Variants in CAMK2B observed in about 807,000 individuals in gnomAD.
The protein encoded by CAMK2B is calcium/calmodulin dependent protein kinase II beta.
Under a neutral mutation model 93.7 loss-of-function variants are expected in CAMK2B, and 27 were observed. That is an observed-to-expected ratio of 0.29 (90% CI 0.21 to 0.40). The LOEUF is 0.40. CAMK2B is among the 10% of genes least tolerant of loss of function. The pLI, the probability that CAMK2B is intolerant of heterozygous loss-of-function variation, is 1.00. For synonymous variants in CAMK2B, 374 were observed against 358.8 expected, an observed-to-expected ratio of 1.04 and a Z score of -0.48; for missense variants, 568 against 895.8, an observed-to-expected ratio of 0.63 and a Z score of 4.67.
rs1322680963 is a variant in CAMK2B, at chr7:44,218,931, A to C, written c.*594T>G. The C allele has an allele frequency of 6.6e-6, 1 of 152,406 alleles. No individual in the cohort carries two copies. The highest frequency in any genetic ancestry group is 2.4e-5 in the African/African-American group (1 of 41,444). 9.4% of individuals were successfully genotyped at this position (152,406 alleles called of 1,614,324 possible). A position where few individuals can be genotyped will look rare whatever the true frequency, so the allele number is the denominator to read the frequency against. On this transcript the variant is annotated 3_prime_UTR_variant, in exon 24 of 24. Transcript: ENST00000395749. The stretch of plus-strand genomic sequence containing the variant: ...CCCTTCAGGGGATGAAAGGAAGGGA[A>C]GGGAAAGCAGGAACAACAGCAACTC...
chr7:44,306,906 G>C (rs1269677481), intron 1 of CAMK2B, among the ~76,000 whole-genome samples: 1 of 139,830 alleles, frequency 7.2e-6, no homozygotes, highest in Non-Finnish European at 1.5e-5. Context: ...GGAAGACGGT[G>C]TGAGCAGGGG....
intron 2 of CAMK2B, among the ~76,000 whole-genome samples, chr7:44,265,122 G>A (rs1438743942): frequency 6.6e-6 from 1 of 152,194 alleles, no homozygotes. Flanking sequence ...GAGAAAAACT[G>A]CAACAACAGT....
intron 3 of CAMK2B, among the ~76,000 whole-genome samples, chr7:44,260,672 A>T (rs1050386058): frequency 6.6e-6 from 1 of 152,196 alleles, no homozygotes; most frequent in African/African-American, 2.4e-5. Context: ...CAGTTCTGTG[A>T]CCATCACTGT....
rs921571183 is a variant in CAMK2B, at chr7:44,225,441, C to A, written c.1597+1075G>T. Among the ~76,000 whole-genome samples, 5 of 152,102 alleles carry A rather than the reference C, an allele frequency of 3.3e-5. No individual in the cohort carries two copies. Among genetic ancestry groups the A allele is most frequent in the Non-Finnish European group, 5.9e-5 (4 of 68,006 alleles). ...GTTCTGGTCGCCCAGGCACCCCGAC[C>A]CTATCAGCATCAAGAACCTGGCCTC... On this transcript the variant is annotated intron_variant, in intron 20 of 23. Coordinates refer to ENST00000395749, the MANE Select transcript of CAMK2B (RefSeq NM_001220.5). This position sits in a 1 kb window ranked among gnomAD's most constrained non-coding sequence, Gnocchi z 5.0.
At chr7:44,221,260 C>T (rs1364356470) in intron 20 of CAMK2B, among the ~76,000 whole-genome samples, 7 of 152,230 alleles carry the variant, frequency 4.6e-5, no homozygotes, top group Admixed American at 4.6e-4. Flanking sequence ...TCCCTCCTGC[C>T]CTCCCGTGAG....
chr7:44,275,763 G>C (rs997941035), intron 2 of CAMK2B, among the ~76,000 whole-genome samples: 64 of 152,268 alleles, frequency 4.2e-4, no homozygotes, highest in African/African-American at 1.5e-3. Context: ...CCCCCTGGGA[G>C]GGGCAGGCAT....
intron 16 of CAMK2B, among the ~76,000 whole-genome samples, chr7:44,231,572 T>C (rs1440689423): frequency 6.6e-6 from 1 of 152,202 alleles, no homozygotes; most frequent in African/African-American, 2.4e-5. Context: ...GCAGCCGGTG[T>C]CATCCAAAAT....
At chr7:44,274,767 G>A (rs2097015996) in intron 2 of CAMK2B, among the ~76,000 whole-genome samples, 2 of 152,266 alleles carry the variant, frequency 1.3e-5, no homozygotes, top group African/African-American at 4.8e-5. Flanking sequence ...GACCAGGGGA[G>A]GGGGCTGTGC....
chr7:44,263,156 C>T, intron 2 of CAMK2B, 92 bp from the exon 3 acceptor site: 2 of 1,218,766 alleles, frequency 1.6e-6, no homozygotes, highest in Admixed American at 3.9e-5. Context: ...CAAGGGTGTG[C>T]CAGGGCCTCT....
chr7:44,286,703 G>A lies in CAMK2B; in HGVS notation c.66-2478C>T, dbSNP rs752855835. Among the ~76,000 whole-genome samples, 7 of 152,222 alleles carry A rather than the reference G, an allele frequency of 4.6e-5. No homozygotes were observed. Among genetic ancestry groups the A allele is most frequent in the Non-Finnish European group, 1.0e-4 (7 of 68,040 alleles). On this transcript the variant is annotated intron_variant, in intron 1 of 23. Coordinates refer to ENST00000395749, the MANE Select transcript of CAMK2B (RefSeq NM_001220.5). This position sits in a 1 kb window ranked among gnomAD's most constrained non-coding sequence, Gnocchi z 4.0. Reference sequence around the variant, plus strand: ...GCAGCCCCTTTCTCCTCTGCAGAAGGCTCCAGAGCCGCCCCTGCACCATCA... The same window carrying A: ...GCAGCCCCTTTCTCCTCTGCAGAAGACTCCAGAGCCGCCCCTGCACCATCA...
chr7:44,315,656 T>C (rs959978044), intron 1 of CAMK2B, among the ~76,000 whole-genome samples: 1 of 152,196 alleles, frequency 6.6e-6, no homozygotes, highest in Non-Finnish European at 1.5e-5. Context: ...CAATTTGGAG[T>C]ATACTACTAT....
intron 15 of CAMK2B, among the ~76,000 whole-genome samples, chr7:44,233,765 C>T (rs971428085): frequency 6.6e-5 from 10 of 152,290 alleles, no homozygotes; most frequent in Middle Eastern, 6.8e-3. Context: ...CTCCCCTCCC[C>T]GGCAGGGAGC....
intron 4 of CAMK2B, among the ~76,000 whole-genome samples, chr7:44,257,237 G>A (rs564014277): frequency 3.3e-5 from 5 of 152,054 alleles, no homozygotes; most frequent in Admixed American, 1.3e-4. Context: ...CTGCTGTCCC[G>A]GCCCTCTGCT....
At chr7:44,263,166 TGAC>T in intron 2 of CAMK2B, 102 bp from the exon 3 acceptor site, 1 of 1,082,132 alleles carries the variant, frequency 9.2e-7, no homozygotes, top group South Asian at 1.5e-5. Context: ...CCAGGGCCTC[TGAC>T]GAGAGGAGTG....
intron 3 of CAMK2B, among the ~76,000 whole-genome samples, chr7:44,260,284 C>T (rs989978541): frequency 7.2e-5 from 11 of 152,212 alleles, no homozygotes; most frequent in African/African-American, 2.7e-4. Flanking sequence ...CTCTGGTTCT[C>T]CCAGGGGCCC....
At chr7:44,285,099 C>A (rs139161938) in intron 1 of CAMK2B, among the ~76,000 whole-genome samples, 472 of 152,288 alleles carry the variant, frequency 3.1e-3, no homozygotes, top group Non-Finnish European at 4.4e-3. Flanking sequence ...CTTCAGGGCG[C>A]CCTGAGGGAG....
At chr7:44,296,983 C>T (rs1426744159) in intron 1 of CAMK2B, among the ~76,000 whole-genome samples, 1 of 152,046 alleles carries the variant, frequency 6.6e-6, no homozygotes, top group Non-Finnish European at 1.5e-5. Context: ...AAGGAAGAGA[C>T]TTAGAGAAGA....
intron 2 of CAMK2B, among the ~76,000 whole-genome samples, chr7:44,266,729 G>A (rs918540744): frequency 6.6e-6 from 1 of 152,110 alleles, no homozygotes; most frequent in Non-Finnish European, 1.5e-5. Context: ...CAGGACCCCC[G>A]CGGGGCACCC....
intron 16 of CAMK2B, among the ~76,000 whole-genome samples, chr7:44,231,887 G>C (rs2096582935): frequency 6.6e-6 from 1 of 152,220 alleles, no homozygotes; most frequent in Non-Finnish European, 1.5e-5. Context: ...CCGCCCCCTG[G>C]TCTGGACACT....
Sources: gnomAD v4.1 joint callset for allele counts (sites outside exome capture counted in the v4.1 genomes callset) on GRCh38, gnomAD v4.1.1 for gene constraint, Gnocchi (gnomAD v3.1) non-coding constraint, MANE v1.5 for transcripts, NCBI Gene and HGNC (gene_info 2026-07-23, HGNC 2026-07-21) for gene names.